SNX13: variants seen among roughly 807,000 people sequenced by gnomAD.
SNX13 encodes the protein sorting nexin 13, also known as sorting nexin-13.
A neutral mutation model predicts 133.6 loss-of-function variants in SNX13; 45 were observed. The observed-to-expected ratio is 0.34, with a 90% CI of 0.27 to 0.43. The LOEUF is 0.43. SNX13 is among the 20% of genes least tolerant of loss of function. The probability of loss-of-function intolerance (pLI) is 1.00; values close to 1 mark genes in which losing one functional copy is unlikely to be tolerated. For synonymous variants in SNX13, 414 were observed against 373.9 expected (o/e 1.11, Z -1.24); for missense variants, 1,032 against 1,145.1 (o/e 0.90, Z 1.43).
intron 12 of SNX13, 50 bp downstream of exon 12, chr7:17,845,545 G>T: frequency 8.1e-7 from 1 of 1,238,326 alleles, no homozygotes; most frequent in South Asian, 1.5e-5. Context: ...ATAAAAAATC[G>T]AAAAAGAAAT....
intron 11 of SNX13, 138 bp downstream of exon 11, chr7:17,850,209 A>T: frequency 2.5e-6 from 1 of 406,960 alleles, no homozygotes; most frequent in South Asian, 1.3e-4. Flanking sequence ...CACATTGTAG[A>T]AGAGAAAACT....
intron 5 of SNX13, among the ~76,000 whole-genome samples, chr7:17,876,346 T>C (rs1447881191): frequency 6.6e-6 from 1 of 152,192 alleles, no homozygotes; most frequent in African/African-American, 2.4e-5. Flanking sequence ...TTTGGGAGGC[T>C]GAGGCAGGAG....
chr7:17,821,664 G>T lies in SNX13; in HGVS notation c.1706-16C>A, dbSNP rs1371163754. ...TTACAAACGCCTGCCACAGCATATG[G>T]GTCATAGTCAGCATATACTAATCAT... On this transcript the variant is annotated splice_polypyrimidine_tract_variant and intron_variant, in intron 17 of 25. Transcript: ENST00000428135. The T allele has an allele frequency of 1.2e-6, 2 of 1,610,462 alleles. No homozygotes were observed. The highest frequency in any genetic ancestry group is 2.2e-5 in the East Asian group (1 of 44,778).
intron 9 of SNX13, among the ~76,000 whole-genome samples, chr7:17,857,602 G>T (rs548540765): frequency 1.6e-3 from 251 of 152,162 alleles, no homozygotes; most frequent in Admixed American, 3.5e-3. Flanking sequence ...TGGCCAACAT[G>T]GTGAAACCTC....
At chr7:17,816,399 C>G in intron 18 of SNX13, 110 bp from the exon 19 acceptor site, 1 of 1,296,348 alleles carries the variant, frequency 7.7e-7, no homozygotes, top group South Asian at 1.4e-5. Context: ...CGGTGGCTCA[C>G]GCCTGTAATC....
At chr7:17,902,673 A>G (rs1384914607) in intron 1 of SNX13, among the ~76,000 whole-genome samples, 1 of 152,174 alleles carries the variant, frequency 6.6e-6, no homozygotes, top group Non-Finnish European at 1.5e-5. Flanking sequence ...GTTGTCCTAT[A>G]ATGGAATCCA....
intron 11 of SNX13, 135 bp from the exon 12 acceptor site, chr7:17,845,829 T>C (rs1265952090): frequency 8.9e-6 from 5 of 561,516 alleles, no homozygotes; most frequent in Non-Finnish European, 9.4e-6. Context: ...GCATGTTGTT[T>C]CCCAATAGAT....
At chr7:17,855,076 G>A (rs867611649) in intron 9 of SNX13, among the ~76,000 whole-genome samples, 3 of 152,324 alleles carry the variant, frequency 2.0e-5, no homozygotes, top group Middle Eastern at 6.8e-3. Flanking sequence ...GTGATATGGA[G>A]AAAGTATTAG....
chr7:17,888,691 CTT>C (rs1241077323), intron 5 of SNX13: 2 of 470,702 alleles, frequency 4.2e-6, no homozygotes, highest in Non-Finnish European at 8.8e-6. Flanking sequence ...TGAGCAGGGA[CTT>C]TGTTTTATTC....
At chr7:17,936,141 T>C (rs2128053762) in intron 1 of SNX13, among the ~76,000 whole-genome samples, 2 of 152,322 alleles carry the variant, frequency 1.3e-5, no homozygotes, top group African/African-American at 4.8e-5. Context: ...ATGCTGTAAA[T>C]TCTATCATCT....
At chr7:17,904,644 G>C (rs565144829) in intron 1 of SNX13, among the ~76,000 whole-genome samples, 1 of 152,010 alleles carries the variant, frequency 6.6e-6, no homozygotes, top group Non-Finnish European at 1.5e-5. Context: ...ATATTCACCT[G>C]GTATATTTAA....
chr7:17,862,615 T>C (rs1193516244), intron 9 of SNX13, among the ~76,000 whole-genome samples: 1 of 152,228 alleles, frequency 6.6e-6, no homozygotes, highest in Non-Finnish European at 1.5e-5. Context: ...TTCAAGTTCA[T>C]AAAGATATAC....
intron 1 of SNX13, among the ~76,000 whole-genome samples, chr7:17,913,028 G>T (rs375207075): frequency 6.6e-6 from 1 of 152,172 alleles, no homozygotes; most frequent in South Asian, 2.1e-4. Context: ...TCACTGCTGG[G>T]CACCCCAGTC....
intron 17 of SNX13, among the ~76,000 whole-genome samples, chr7:17,824,650 T>C (rs1411749977): frequency 6.6e-6 from 1 of 152,074 alleles, no homozygotes; most frequent in East Asian, 1.9e-4. Flanking sequence ...TTGGATGGCT[T>C]ACCCAACTAT....
At chr7:17,816,408 T>A (rs1786668648) in intron 18 of SNX13, 119 bp from the exon 19 acceptor site, 1 of 1,239,664 alleles carries the variant, frequency 8.1e-7, no homozygotes, top group Non-Finnish European at 1.1e-6. Context: ...ACGCCTGTAA[T>A]CCCAGCACTT....
intron 5 of SNX13, among the ~76,000 whole-genome samples, chr7:17,886,702 G>A (rs1380227732): frequency 6.6e-6 from 1 of 152,118 alleles, no homozygotes; most frequent in Non-Finnish European, 1.5e-5. Flanking sequence ...AAGGTTGCTT[G>A]TTATAGTTTC....
intron 5 of SNX13, among the ~76,000 whole-genome samples, chr7:17,883,426 G>A (rs899140764): frequency 2.0e-5 from 3 of 152,122 alleles, no homozygotes; most frequent in Admixed American, 6.5e-5. Context: ...GTAAACAGGA[G>A]TATTAATAAA....
At chr7:17,883,856 G>A (rs756368851) in intron 5 of SNX13, among the ~76,000 whole-genome samples, 2 of 152,152 alleles carry the variant, frequency 1.3e-5, no homozygotes, top group Non-Finnish European at 2.9e-5. Context: ...TGCTGAGAAT[G>A]ATGGTTTCCA....
intron 16 of SNX13, among the ~76,000 whole-genome samples, chr7:17,828,781 A>C (rs1260981237): frequency 6.6e-6 from 1 of 151,568 alleles, no homozygotes; most frequent in African/African-American, 2.4e-5. Flanking sequence ...TTGGAAAAGC[A>C]TTTATTCCAG....
Sources: allele counts gnomAD v4.1 joint callset (sites outside exome capture counted in the v4.1 genomes callset), GRCh38; gene constraint gnomAD v4.1.1; transcripts MANE v1.5; gene names NCBI Gene and HGNC (gene_info 2026-07-23, HGNC 2026-07-21).